The following DACH2 variants were observed in gnomAD, a reference collection of about 807,000 sequenced individuals.
DACH2 encodes the protein dachshund family transcription factor 2.
Under a neutral mutation model 35.8 loss-of-function variants are expected in DACH2, and 17 were observed. The ratio of observed to expected loss-of-function variants is 0.48; its 90% CI spans 0.33 to 0.71. The LOEUF (loss-of-function observed/expected upper bound fraction) is 0.71, where lower values mean the gene tolerates loss of function less well. Ranked by LOEUF, DACH2 falls within the 30% of genes least tolerant of loss-of-function variation. The pLI is 0.02. For synonymous variants in DACH2, 195 were observed against 177.3 expected, an observed-to-expected ratio of 1.10 and a Z score of -0.79; for missense variants, 469 against 472.7, an observed-to-expected ratio of 0.99 and a Z score of 0.07.
At chrX:86,711,434 T>A (rs962771061) in intron 5 of DACH2, among the ~76,000 whole-genome samples, 1 of 112,027 alleles carries the variant, frequency 8.9e-6, no homozygotes, top group Non-Finnish European at 1.9e-5. Context: ...AAAGAATTAT[T>A]CTTTTAGTAA....
chrX:86,584,892 G>A (rs1322665971), intron 3 of DACH2, among the ~76,000 whole-genome samples: 1 of 110,827 alleles, frequency 9.0e-6, no homozygotes, highest in Non-Finnish European at 1.9e-5. Flanking sequence ...CATTATATAT[G>A]AGAACATGCA....
At chrX:86,620,401 A>G (rs1222905167) in intron 3 of DACH2, among the ~76,000 whole-genome samples, 2 of 110,916 alleles carry the variant, frequency 1.8e-5, no homozygotes, top group South Asian at 7.6e-4. Context: ...CATGGGGAAT[A>G]TTTTTTCCTT....
chrX:86,405,409 G>A (rs183141555), intron 2 of DACH2, among the ~76,000 whole-genome samples: 5 of 111,139 alleles, frequency 4.5e-5, no homozygotes, highest in South Asian at 3.8e-4. Context: ...AGTAAAATAC[G>A]GCCAGTCTCT....
chrX:86,804,800 C>T (rs771995419), intron 7 of DACH2, among the ~76,000 whole-genome samples: 52 of 112,594 alleles, frequency 4.6e-4, no homozygotes, highest in African/African-American at 1.6e-3. Flanking sequence ...TCTTAAAGCT[C>T]CAAAAGAGTA....
chrX:86,546,489 T>C (rs2038974376), intron 3 of DACH2, among the ~76,000 whole-genome samples: 1 of 74,300 alleles, frequency 1.3e-5, no homozygotes, highest in Admixed American at 1.4e-4. Flanking sequence ...TTCTTCCTCT[T>C]CTTCTTCTTC....
At chrX:86,418,181 A>G (rs1241040560) in intron 2 of DACH2, among the ~76,000 whole-genome samples, 2 of 112,016 alleles carry the variant, frequency 1.8e-5, no homozygotes, top group Non-Finnish European at 3.8e-5. Flanking sequence ...TTCACAGGCT[A>G]GCATTGAGTG....
At chrX:86,468,915 T>C (rs2037718679) in intron 2 of DACH2, among the ~76,000 whole-genome samples, 1 of 111,855 alleles carries the variant, frequency 8.9e-6, no homozygotes, top group Admixed American at 9.6e-5. Context: ...AAGTTCATTG[T>C]AGCATTATTG....
At chrX:86,401,310 C>T (rs375811525) in intron 2 of DACH2, among the ~76,000 whole-genome samples, 40 of 112,276 alleles carry the variant, frequency 3.6e-4, no homozygotes, top group East Asian at 5.7e-4. Flanking sequence ...GGGAATTCCA[C>T]GACCCCTTGC....
chrX:86,813,004 G>A lies in DACH2; in HGVS notation c.1389G>A (p.Gln463=), dbSNP rs1237639133. The A allele has an allele frequency of 3.4e-6, 4 of 1,188,197 alleles. No individual in the cohort carries two copies. The highest frequency in any genetic ancestry group is 3.4e-6 in the Non-Finnish European group (3 of 883,045). The part of the protein sequence containing the change: ...SSVETLLTNI[Q]GLLKVALDNA... Reference sequence around the variant, plus strand: ...TGGAGACTCTGTTGACCAACATTCAGGTCAACAATATTTCTATAAACAAAA... The same window carrying A: ...TGGAGACTCTGTTGACCAACATTCAAGTCAACAATATTTCTATAAACAAAA... Residue 463 remains glutamine, a splice_region_variant and synonymous_variant, in exon 8 of 12, where the codon CAG becomes CAA. Coordinates refer to ENST00000373125, the MANE Select transcript of DACH2 (RefSeq NM_053281.3).
At chrX:86,740,301 A>G (rs2147260295) in intron 7 of DACH2, among the ~76,000 whole-genome samples, 1 of 111,144 alleles carries the variant, frequency 9.0e-6, no homozygotes, top group Non-Finnish European at 1.9e-5. Context: ...AACTTAGATC[A>G]CAAATATTTA....
At chrX:86,667,592 GAAA>G (rs1569463725) in intron 4 of DACH2, among the ~76,000 whole-genome samples, 6 of 104,157 alleles carry the variant, frequency 5.8e-5, no homozygotes, top group African/African-American at 1.9e-4. Flanking sequence ...AAGAAAGAAA[GAAA>G]GAAAGAAAGA....
chrX:86,532,011 C>T (rs1417409606), intron 3 of DACH2, among the ~76,000 whole-genome samples: 1 of 113,185 alleles, frequency 8.8e-6, no homozygotes, highest in African/African-American at 3.2e-5. Flanking sequence ...TTAATGACTG[C>T]TCAGCTGGGT....
At chrX:86,538,337 A>T (rs979416060) in intron 3 of DACH2, among the ~76,000 whole-genome samples, 1 of 111,455 alleles carries the variant, frequency 9.0e-6, no homozygotes, top group Non-Finnish European at 1.9e-5. Context: ...CACTCTATTT[A>T]TGGCAATCTA....
rs1413022122 is a variant in DACH2, at chrX:86,194,817, G to C, written c.488+45709G>C. Among the ~76,000 whole-genome samples the C allele has an allele frequency of 2.7e-5, 3 of 112,731 alleles. No individual in the cohort carries two copies. The East Asian group carries it at 8.4e-4, about 32-fold the overall frequency. ...TGACTTGCTCCCACAGGAGACATTAGCCTTAGAGGAACTCTTGGACTTGAA... is the reference window on the plus strand; with the variant it reads ...TGACTTGCTCCCACAGGAGACATTACCCTTAGAGGAACTCTTGGACTTGAA... On this transcript the variant is annotated intron_variant, in intron 1 of 11. Transcript: ENST00000373125.
intron 4 of DACH2, among the ~76,000 whole-genome samples, chrX:86,683,316 C>T (rs1436611291): frequency 1.5e-5 from 1 of 65,201 alleles, no homozygotes; most frequent in African/African-American, 6.8e-5. Context: ...ACCAGCCAAA[C>T]CCAGTCTTTT....
intron 7 of DACH2, among the ~76,000 whole-genome samples, chrX:86,804,811 T>A (rs2042326989): frequency 8.9e-6 from 1 of 112,354 alleles, no homozygotes; most frequent in African/African-American, 3.2e-5. Flanking sequence ...CAAAAGAGTA[T>A]CCTTTGACTT....
intron 2 of DACH2, among the ~76,000 whole-genome samples, chrX:86,423,739 C>T (rs1313822455): frequency 9.0e-6 from 1 of 110,653 alleles, no homozygotes; most frequent in Non-Finnish European, 1.9e-5. Context: ...TTGCCCAAAC[C>T]AAAGTCCTGG....
chrX:86,156,160 T>C (rs749753608), intron 1 of DACH2, among the ~76,000 whole-genome samples: 1 of 111,107 alleles, frequency 9.0e-6, no homozygotes, highest in Admixed American at 9.5e-5. Flanking sequence ...AAAGATATCT[T>C]TATCAATACC....
intron 4 of DACH2, among the ~76,000 whole-genome samples, chrX:86,692,497 A>G (rs2041022071): frequency 1.8e-5 from 2 of 112,088 alleles, no homozygotes; most frequent in African/African-American, 3.2e-5. Flanking sequence ...GATTTTAAAA[A>G]CATTTCTATT....
Sources: gnomAD v4.1 joint callset for allele counts (sites outside exome capture counted in the v4.1 genomes callset) on GRCh38, gnomAD v4.1.1 for gene constraint, MANE v1.5 for transcripts, NCBI Gene and HGNC (gene_info 2026-07-23, HGNC 2026-07-21) for gene names.